The following DAXX variants were observed in gnomAD, a reference collection of about 807,000 sequenced individuals.
DAXX encodes the protein death domain-associated protein 6.
In DAXX, 24 loss-of-function variants were observed where a neutral mutation model predicts 61.9. The observed-to-expected ratio is 0.39, with a 90% confidence interval of 0.28 to 0.55. DAXX has a LOEUF of 0.55. DAXX is among the 20% of genes least tolerant of loss of function. The pLI is 0.69. For synonymous variants in DAXX, 357 were observed against 369.5 expected (o/e 0.97, Z 0.39); for missense variants, 819 against 935.3 (o/e 0.88, Z 1.62).
rs1770676189 is a variant in DAXX at position 33,321,901 on chromosome 6, C to T, written c.25G>A (p.Val9Met). The T allele has an allele frequency of 3.1e-6, 5 of 1,605,248 alleles. No individual in the cohort carries two copies. Among genetic ancestry groups the T allele is most frequent in the Non-Finnish European group, 3.4e-6 (4 of 1,173,358 alleles). MATANSIIVLDDDDEDEAA... is the reference protein window; with the variant it reads MATANSIIMLDDDDEDEAA... ...TCATCTTCGTCATCATCATCCAGCA[C>T]GATGATGCTGTTAGCGGTGGCCATA... Residue 9 changes from valine (V) to methionine (M), a missense_variant, in exon 2 of 8, where the codon GTG (valine) becomes ATG (methionine). Coordinates refer to ENST00000374542, the MANE Select transcript of DAXX (RefSeq NM_001141969.2). The surrounding 1 kb of genome is among the most constrained non-coding windows in gnomAD (Gnocchi z 7.2).
At position 33,319,773 on chromosome 6, in the gene DAXX, C is replaced by T; in HGVS notation, c.1547G>A (p.Arg516Lys). Residue 516 changes from arginine (R) to lysine (K), a missense_variant, in exon 6 of 8, where the codon AGA becomes AAA. Arg to Lys is a conservative substitution (Grantham distance 26, BLOSUM62 2). Coordinates refer to ENST00000374542, the MANE Select transcript of DAXX (RefSeq NM_001141969.2). ...TTTGTTTTGCTGCTCCCCTGAAGATCTGCTGATCTGTTTGCCAGGTTCCAG... is the reference window on the plus strand; with the variant it reads ...TTTGTTTTGCTGCTCCCCTGAAGATTTGCTGATCTGTTTGCCAGGTTCCAG... Reference protein sequence around the residue: ...KNLEPGKQISRSSGEQQNKGR... With the variant: ...KNLEPGKQISKSSGEQQNKGR... 1 of 1,614,196 alleles carries T rather than the reference C, an allele frequency of 6.2e-7. No homozygotes were observed. Among genetic ancestry groups the T allele is most frequent in the African/African-American group, 1.3e-5 (1 of 75,046 alleles).
In DAXX at chr6:33,321,046, T is replaced by C; in HGVS notation, c.729A>G (p.Lys243=). The part of the protein sequence containing the change: ...IRLFGRLCEL[K]DCSSLTGRVI... ...CACGGCCGGTCAGTGAAGAGCAGTC[T>C]TTCAGCTCACATAGTCGCCCAAAGA... Residue 243 remains lysine, a synonymous_variant, in exon 3 of 8, where the codon AAA becomes AAG. Transcript: ENST00000374542. This position sits in a 1 kb window ranked among gnomAD's most constrained non-coding sequence, Gnocchi z 7.2. 1 of 1,614,068 alleles carries C rather than the reference T, an allele frequency of 6.2e-7. No homozygotes were observed. The highest frequency in any genetic ancestry group is 8.5e-7 in the Non-Finnish European group (1 of 1,179,934).
At chr6:33,322,805 A>G in intron 1 of DAXX, 57 bp downstream of exon 1, 10 of 711,622 alleles carry the variant, frequency 1.4e-5, no homozygotes, top group Non-Finnish European at 2.1e-5. Context: ...TCTCCCCAAT[A>G]CCTCTCCCTC....
At position 33,319,109 on chromosome 6, in the gene DAXX, G is replaced by A. The variant is rs762346785; in HGVS notation, c.2051C>T (p.Thr684Met). The A allele has an allele frequency of 9.3e-6, 15 of 1,614,086 alleles. No individual in the cohort carries two copies. Among genetic ancestry groups the A allele is most frequent in the African/African-American group, 6.7e-5 (5 of 74,946 alleles). ...GCCATGGCTGGGAGAGTCCACCCTC[G>A]TGGAGGAATCAGCAACTGGGGCCAA... ...ASLAPVADSS[T>M]RVDSPSHGLV... The change falls in exon 7 of 8, where the codon ACG becomes ATG. Residue 684 changes from threonine (T) to methionine (M), a missense_variant. Thr to Met is a moderately conservative substitution (Grantham distance 81, BLOSUM62 -1). Coordinates refer to ENST00000374542, the MANE Select transcript of DAXX (RefSeq NM_001141969.2).
At position 33,320,346 on chromosome 6, in the gene DAXX, C is replaced by G; in HGVS notation, c.1251+34G>C. ...CCTGGTGGCCAGTGCAGGGGAAGGA[C>G]AATGTCTCTCTGAAGGCTGTACCCC... On this transcript the variant is annotated intron_variant, in intron 4 of 7. Coordinates refer to ENST00000374542, the MANE Select transcript of DAXX (RefSeq NM_001141969.2). The surrounding 1 kb of genome is among the most constrained non-coding windows in gnomAD (Gnocchi z 7.1). 1 of 1,515,630 alleles carries G rather than the reference C, an allele frequency of 6.6e-7. No individual in the cohort carries two copies. Among genetic ancestry groups the G allele is most frequent in the Non-Finnish European group, 9.2e-7 (1 of 1,089,818 alleles). The allele number at this position is 1,515,630 out of a possible 1,614,324, so 93.9% of individuals were successfully genotyped here.
Position 33,319,127 on chromosome 6 carries a change from G to A in DAXX, c.2033C>T (p.Pro678Leu), listed in dbSNP as rs1193656805. The A allele has an allele frequency of 6.2e-7, 1 of 1,614,204 alleles. No homozygotes were observed. The highest frequency in any genetic ancestry group is 8.5e-7 in the Non-Finnish European group (1 of 1,180,042). The change falls in exon 7 of 8, where the codon CCA becomes CTA. Residue 678 changes from proline to leucine, a missense_variant. Pro to Leu is a moderately conservative substitution (Grantham distance 98). Coordinates refer to ENST00000374542, the MANE Select transcript of DAXX (RefSeq NM_001141969.2). ...SPPSPLASLA[P>L]VADSSTRVDS... is the part of the protein sequence containing the mutation. ...CACCCTCGTGGAGGAATCAGCAACT[G>A]GGGCCAAGGAAGCCAAGGGGGAAGG...
Position 33,319,612 on chromosome 6 carries a change from C to G in DAXX, c.1708G>C (p.Glu570Gln), listed in dbSNP as rs750390792. 14 of 1,613,934 alleles carry G rather than the reference C, an allele frequency of 8.7e-6. No individual in the cohort carries two copies. Among genetic ancestry groups the G allele is most frequent in the East Asian group, 4.5e-5 (2 of 44,880 alleles). Residue 570 changes from glutamate to glutamine, a missense_variant, in exon 6 of 8, where the codon GAG (glutamate) becomes CAG (glutamine). Physicochemically the swap from Glu to Gln is conservative, Grantham distance 29. Transcript: ENST00000374542. ...ESPVSQLFEL[E>Q]IEALPLDTPS... The stretch of plus-strand genomic sequence containing the variant: ...GTATCCAGGGGCAAAGCTTCAATCT[C>G]TAGCTCAAAGAGCTGAGACACAGGG...
In DAXX at chr6:33,321,470, G is replaced by A. The variant is rs1455644209; in HGVS notation, c.305C>T (p.Ser102Leu). 6.2e-7 allele frequency: 1 copy of A among 1,614,074 alleles called. No homozygotes were observed. Among genetic ancestry groups the A allele is most frequent in the Non-Finnish European group, 8.5e-7 (1 of 1,180,018 alleles). ...AGAGAGGATGTTGCAGAACTCCGCC[G>A]AGGCCAAAAACAGAGAGTGGGCACG... The part of the protein sequence containing the change: ...QQRAHSLFLA[S>L]AEFCNILSRV... The change falls in exon 3 of 8, where the codon TCG (serine) becomes TTG (leucine). Residue 102 changes from serine (S) to leucine (L), a missense_variant. Physicochemically the swap from Ser to Leu is moderately radical, Grantham distance 145. Transcript: ENST00000374542. This position sits in a 1 kb window ranked among gnomAD's most constrained non-coding sequence, Gnocchi z 7.2.
Position 33,321,130 on chromosome 6 carries a change from C to A in DAXX, c.645G>T (p.Leu215Phe), listed in dbSNP as rs1327106350. The stretch of plus-strand genomic sequence containing the variant: ...GCAGGTATGCGGAGTCTGGGTCATC[C>A]AATTCTGAGAGATCCAACTCCTTTT... ...LQEKELDLSE[L>F]DDPDSAYLQE... The change falls in exon 3 of 8, where the codon TTG becomes TTT. Residue 215 changes from leucine to phenylalanine, a missense_variant. Coordinates refer to ENST00000374542, the MANE Select transcript of DAXX (RefSeq NM_001141969.2). This position sits in a 1 kb window ranked among gnomAD's most constrained non-coding sequence, Gnocchi z 7.2. 6.2e-7 allele frequency: 1 copy of A among 1,613,220 alleles called. No individual in the cohort carries two copies. The highest frequency in any genetic ancestry group is 2.2e-5 in the East Asian group (1 of 44,880).
In DAXX at chr6:33,319,807, C is replaced by T; in HGVS notation, c.1513G>A (p.Glu505Lys). ...TGTTTGCCAGGTTCCAGGTTCTTTT[C>T]ATTGGAGATCTGTAGTGAGGACATG... ...SPMSSLQISN[E>K]KNLEPGKQIS... is the part of the protein sequence containing the mutation. The change falls in exon 6 of 8, where the codon GAA becomes AAA. Residue 505 changes from glutamate to lysine, a missense_variant. Glu to Lys is a moderately conservative substitution (Grantham distance 56, BLOSUM62 1). Transcript: ENST00000374542. The T allele has an allele frequency of 6.2e-7, 1 of 1,614,064 alleles. No homozygotes were observed. Among genetic ancestry groups the T allele is most frequent in the Non-Finnish European group, 8.5e-7 (1 of 1,179,992 alleles).
chr6:33,318,610 GC>G lies in DAXX; in HGVS notation c.*132del, dbSNP rs1770124167. On this transcript the variant is annotated 3_prime_UTR_variant, in exon 8 of 8. Transcript: ENST00000374542. ...ATTAATGTTTCTGTGTAAAACTTAA[GC>G]TTTTTTTTTTTTTTAAAGAAACACC... 1 of 403,000 alleles carries G rather than the reference GC, an allele frequency of 2.5e-6. No homozygotes were observed. Among genetic ancestry groups the G allele is most frequent in the South Asian group, 5.4e-5 (1 of 18,468 alleles). 25.0% of individuals were successfully genotyped at this position (403,000 alleles called of 1,614,324 possible).
In DAXX at chr6:33,321,431, C is replaced by G. The variant is rs772405114; in HGVS notation, c.344G>C (p.Arg115Pro). 2 of 1,613,860 alleles carry G rather than the reference C, an allele frequency of 1.2e-6. No homozygotes were observed. Among genetic ancestry groups the G allele is most frequent in the Non-Finnish European group, 8.5e-7 (1 of 1,179,846 alleles). ...FCNILSRVLS[R>P]ARSRPAKLYV... is the part of the protein sequence containing the mutation. Reference sequence around the variant, plus strand: ...GAGCTTGGCTGGCCGGCTCCGGGCCCGAGACAGGACCCTAGAGAGGATGTT... The same window carrying G: ...GAGCTTGGCTGGCCGGCTCCGGGCCGGAGACAGGACCCTAGAGAGGATGTT... The change falls in exon 3 of 8, where the codon CGG (arginine) becomes CCG (proline). Residue 115 changes from arginine to proline, a missense_variant. Coordinates refer to ENST00000374542, the MANE Select transcript of DAXX (RefSeq NM_001141969.2). This position sits in a 1 kb window ranked among gnomAD's most constrained non-coding sequence, Gnocchi z 7.2.
In DAXX at chr6:33,319,845, C is replaced by G; in HGVS notation, c.1475G>C (p.Gly492Ala). ...EEEEAAAGKD[G>A]DKSPMSSLQI... is the part of the protein sequence containing the mutation. ...TAGTGAGGACATGGGGCTCTTGTCTCCATCTTTACCTGGAAAAGAAGAAAA... is the reference window on the plus strand; with the variant it reads ...TAGTGAGGACATGGGGCTCTTGTCTGCATCTTTACCTGGAAAAGAAGAAAA... The change falls in exon 6 of 8, where the codon GGA becomes GCA. Residue 492 changes from glycine to alanine, a missense_variant. Transcript: ENST00000374542. 1 of 1,606,038 alleles carries G rather than the reference C, an allele frequency of 6.2e-7. No homozygotes were observed. Among genetic ancestry groups the G allele is most frequent in the Non-Finnish European group, 8.5e-7 (1 of 1,176,212 alleles).
chr6:33,319,937 G>T (rs1451470981), intron 5 of DAXX, 74 bp downstream of exon 5: 3 of 1,603,742 alleles, frequency 1.9e-6, no homozygotes, highest in African/African-American at 1.3e-5. Context: ...AGGAGGAAGG[G>T]AAAGGTTTCA....
rs999896209 is a variant in DAXX, at chr6:33,321,788, C to G, written c.138G>C (p.Gly46=). 3.1e-6 allele frequency: 5 copies of G among 1,612,888 alleles called. 1 individual carries two copies. The highest frequency in any genetic ancestry group is 1.7e-6 in the Non-Finnish European group (2 of 1,179,282). ...CGCCCGAACTACTGCTTCCTCTGGC[C>G]CCATGAGGCTCAGAGGAGCTAGGGG... ...AEAPSSSEPH[G]ARGSSSSGGK... is the part of the protein sequence containing the mutation. Residue 46 remains glycine, a synonymous_variant, in exon 2 of 8, where the codon GGG becomes GGC. Transcript: ENST00000374542. This position sits in a 1 kb window ranked among gnomAD's most constrained non-coding sequence, Gnocchi z 7.2.
At position 33,321,907 on chromosome 6, in the gene DAXX, T is replaced by C; in HGVS notation, c.19A>G (p.Ile7Val). MATANS[I>V]IVLDDDDEDE... ...TCGTCATCATCATCCAGCACGATGA[T>C]GCTGTTAGCGGTGGCCATAGGGGAT... is the stretch of plus-strand genomic sequence containing the variant. Residue 7 changes from isoleucine (I) to valine (V), a missense_variant, in exon 2 of 8, where the codon ATC becomes GTC. Physicochemically the swap from Ile to Val is conservative, Grantham distance 29 (BLOSUM62 3). Coordinates refer to ENST00000374542, the MANE Select transcript of DAXX (RefSeq NM_001141969.2). This position sits in a 1 kb window ranked among gnomAD's most constrained non-coding sequence, Gnocchi z 7.2. 1 of 1,609,584 alleles carries C rather than the reference T, an allele frequency of 6.2e-7. No homozygotes were observed. The highest frequency in any genetic ancestry group is 8.5e-7 in the Non-Finnish European group (1 of 1,177,510).
At position 33,320,698 on chromosome 6, in the gene DAXX, T is replaced by G; in HGVS notation, c.1039+38A>C. On this transcript the variant is annotated intron_variant, in intron 3 of 7. Transcript: ENST00000374542. The surrounding 1 kb of genome is among the most constrained non-coding windows in gnomAD (Gnocchi z 7.1). ...TGCCCCATCCGCCTCATACCTGACATATAAGGGTCACTGAGAGGCATCCCA... is the reference window on the plus strand; with the variant it reads ...TGCCCCATCCGCCTCATACCTGACAGATAAGGGTCACTGAGAGGCATCCCA... 1 of 1,609,968 alleles carries G rather than the reference T, an allele frequency of 6.2e-7. No homozygotes were observed. Among genetic ancestry groups the G allele is most frequent in the Non-Finnish European group, 8.5e-7 (1 of 1,176,952 alleles).
At chr6:33,322,501 C>T (rs1218036682) in intron 1 of DAXX, 6 of 222,776 alleles carry the variant, frequency 2.7e-5, no homozygotes, top group Admixed American at 5.6e-5. Flanking sequence ...ATATTTCACC[C>T]TCCGATGAGT....
chr6:33,320,182 T>C lies in DAXX; in HGVS notation c.1294A>G (p.Arg432Gly). 1 of 1,613,734 alleles carries C rather than the reference T, an allele frequency of 6.2e-7. No individual in the cohort carries two copies. The highest frequency in any genetic ancestry group is 2.2e-5 in the East Asian group (1 of 44,886). ...MASQGCPSAS[R>G]AETDDEDDEE... ...TCGTCTTCGTCATCTGTCTCAGCTC[T>C]GGAGGCAGAAGGGCACCCCTGGGAT... The change falls in exon 5 of 8, where the codon AGA (arginine) becomes GGA (glycine). Residue 432 changes from arginine (R) to glycine (G), a missense_variant. By Grantham distance (125) the Arg-to-Gly change is moderately radical. Transcript: ENST00000374542. This position sits in a 1 kb window ranked among gnomAD's most constrained non-coding sequence, Gnocchi z 7.1.
Sources: gnomAD v4.1 joint callset for allele counts on GRCh38, gnomAD v4.1.1 for gene constraint, Gnocchi (gnomAD v3.1) non-coding constraint, MANE v1.5 for transcripts, NCBI Gene and HGNC (gene_info 2026-07-23, HGNC 2026-07-21) for gene names.